NECTIN1: variants seen among roughly 807,000 people sequenced by gnomAD.
NECTIN1 encodes nectin cell adhesion molecule 1, also known as nectin-1.
NECTIN1 carries 23 observed loss-of-function variants against 48.0 expected under a neutral mutation model. The ratio of observed to expected loss-of-function variants is 0.48; its 90% confidence interval spans 0.34 to 0.68. The LOEUF is 0.68. NECTIN1 is among the 30% of genes least tolerant of loss of function. NECTIN1 has a pLI of 0.01. For missense variants in NECTIN1, 591 were observed against 709.9 expected, an observed-to-expected ratio of 0.83 and a Z score of 1.90; for synonymous variants, 270 against 288.9, an observed-to-expected ratio of 0.93 and a Z score of 0.66.
Position 119,669,410 on chromosome 11 carries a change from CA to C in NECTIN1, c.1004-4114del, listed in dbSNP as rs398045650. ...TGGGCAACAGTGCAAGACTCCGTCT[CA>C]AAAAAAAAAAAAAAATGCACCTTGA... On this transcript the variant is annotated intron_variant, in intron 5 of 5. Transcript: ENST00000264025. Among the ~76,000 whole-genome samples, 820 of 130,044 alleles carry C rather than the reference CA, an allele frequency of 6.3e-3. 6 individuals carry two copies. Among genetic ancestry groups the C allele is most frequent in the Non-Finnish European group, 7.0e-3 (420 of 60,364 alleles). The allele number at this position is 130,044 out of a possible 152,430, so 85.3% of individuals were successfully genotyped here. A position where few individuals can be genotyped will look rare whatever the true frequency, so the allele number is the denominator to read the frequency against.
chr11:119,697,459 C>T (rs1057279125), intron 1 of NECTIN1, among the ~76,000 whole-genome samples: 2 of 152,160 alleles, frequency 1.3e-5, no homozygotes, highest in African/African-American at 2.4e-5. Context: ...CGTAGGCTCC[C>T]GCAACCCTAA....
At chr11:119,701,360 A>G (rs1250724387) in intron 1 of NECTIN1, among the ~76,000 whole-genome samples, 2 of 152,016 alleles carry the variant, frequency 1.3e-5, no homozygotes, top group Non-Finnish European at 2.9e-5. Context: ...CCTCCCACCA[A>G]CTCTGAATGA....
intron 5 of NECTIN1, among the ~76,000 whole-genome samples, chr11:119,649,159 T>A (rs915078130): frequency 6.6e-6 from 1 of 152,110 alleles, no homozygotes; most frequent in Admixed American, 6.5e-5. Flanking sequence ...GGCGGACAGA[T>A]CACGAGGTCA....
chr11:119,711,952 G>A (rs11600941), intron 1 of NECTIN1, among the ~76,000 whole-genome samples: 15,044 of 152,172 alleles, frequency 0.099, 2,493 homozygotes, highest in African/African-American at 0.34. Context: ...GATTGGGGAG[G>A]GGTCCTGCAG....
chr11:119,662,765 TC>T lies in NECTIN1; in HGVS notation c.*1981del, dbSNP rs1275548496. The T allele has an allele frequency of 2.4e-5, 24 of 986,406 alleles. No individual in the cohort carries two copies. Among genetic ancestry groups the T allele is most frequent in the Non-Finnish European group, 2.8e-5 (23 of 830,566 alleles). The allele number at this position is 986,406 out of a possible 1,614,324, so 61.1% of individuals were successfully genotyped here. A position where few individuals can be genotyped will look rare whatever the true frequency, so the allele number is the denominator to read the frequency against. ...CTGCTGGGAAAAGCAGCCCAGCTCCTCCACCTCCCTCTGCCCTGTGGCTGGA... is the reference window on the plus strand; with the variant it reads ...CTGCTGGGAAAAGCAGCCCAGCTCCTCACCTCCCTCTGCCCTGTGGCTGGA... On this transcript the variant is annotated 3_prime_UTR_variant, in exon 6 of 6. Transcript: ENST00000264025. The surrounding 1 kb of genome is among the most constrained non-coding windows in gnomAD (Gnocchi z 5.3).
chr11:119,728,080 C>G (rs1473849144), intron 1 of NECTIN1, among the ~76,000 whole-genome samples: 2 of 152,214 alleles, frequency 1.3e-5, no homozygotes, highest in East Asian at 1.9e-4. Context: ...ACGCCCTCCC[C>G]CTGGGGCTGT....
At chr11:119,681,356 C>T (rs1489173091) in intron 1 of NECTIN1, among the ~76,000 whole-genome samples, 2 of 152,152 alleles carry the variant, frequency 1.3e-5, no homozygotes, top group African/African-American at 2.4e-5. Context: ...GATCCAGGAG[C>T]CATTTTGGGA....
At chr11:119,698,000 A>T (rs988836156) in intron 1 of NECTIN1, among the ~76,000 whole-genome samples, 2 of 152,206 alleles carry the variant, frequency 1.3e-5, no homozygotes, top group Non-Finnish European at 2.9e-5. Flanking sequence ...GAAAAGAAAG[A>T]GCAAAAACCG....
chr11:119,668,758 A>T (rs1864819114), intron 5 of NECTIN1, among the ~76,000 whole-genome samples: 1 of 152,228 alleles, frequency 6.6e-6, no homozygotes, highest in African/African-American at 2.4e-5. Context: ...GCCTGTATAA[A>T]TTGCAAATAA....
chr11:119,685,761 C>T (rs1815926410), intron 1 of NECTIN1, among the ~76,000 whole-genome samples: 1 of 152,270 alleles, frequency 6.6e-6, no homozygotes, highest in Non-Finnish European at 1.5e-5. Context: ...TTGGATCACT[C>T]TCCTGTACCT....
At chr11:119,724,057 C>T (rs535973312) in intron 1 of NECTIN1, among the ~76,000 whole-genome samples, 81 of 152,308 alleles carry the variant, frequency 5.3e-4, no homozygotes, top group African/African-American at 3.6e-4. Context: ...TCCAGGCACA[C>T]GTATGTTGTC....
chr11:119,691,321 C>A (rs908392066), intron 1 of NECTIN1, among the ~76,000 whole-genome samples: 1 of 152,248 alleles, frequency 6.6e-6, no homozygotes, highest in African/African-American at 2.4e-5. Context: ...CTAAACCCAG[C>A]CCCAGCTTGG....
At chr11:119,713,895 A>T in intron 1 of NECTIN1, 1 of 455,900 alleles carries the variant, frequency 2.2e-6, no homozygotes. Context: ...GTCTGATGCC[A>T]GGGGGGTGCC....
exon 6 of NECTIN1, chr11:119,640,006 G>A (rs772241031): frequency 1.1e-5 from 17 of 1,611,204 alleles, no homozygotes; most frequent in Non-Finnish European, 1.4e-5. Flanking sequence ...CTGGGGGCGG[G>A]GCTTTTCTGG....
chr11:119,656,691 G>A (rs73573171), downstream of NECTIN1, among the ~76,000 whole-genome samples: 7,160 of 152,206 alleles, frequency 0.047, 574 homozygotes, highest in African/African-American at 0.16. Flanking sequence ...AGAGGCCTTC[G>A]TTAGGGATCT....
Position 119,663,879 on chromosome 11 carries a change from C to T in NECTIN1, c.*868G>A. 1 of 986,202 alleles carries T rather than the reference C, an allele frequency of 1.0e-6. No individual in the cohort carries two copies. The highest frequency in any genetic ancestry group is 1.2e-6 in the Non-Finnish European group (1 of 830,568). The allele number at this position is 986,202 out of a possible 1,614,324, so 61.1% of individuals were successfully genotyped here. The stretch of plus-strand genomic sequence containing the variant: ...ATGAGGTGGAAATAGACGGGTGGGC[C>T]TTGGGCAGTGTCTGGATGGGGCAGG... On this transcript the variant is annotated 3_prime_UTR_variant, in exon 6 of 6. Transcript: ENST00000264025.
chr11:119,639,923 T>A (rs1317356994), exon 6 of NECTIN1: 3 of 1,614,024 alleles, frequency 1.9e-6, no homozygotes, highest in African/African-American at 2.7e-5. Context: ...AAGAAGACAG[T>A]GAGCACAGCA....
At chr11:119,676,796 T>C in intron 4 of NECTIN1, 1 of 431,722 alleles carries the variant, frequency 2.3e-6, no homozygotes, top group Non-Finnish European at 4.3e-6. Flanking sequence ...TGGGAGTGAC[T>C]CAGACTGAAT....
chr11:119,678,361 G>A lies in NECTIN1; in HGVS notation c.430+54C>T, dbSNP rs768116428. On this transcript the variant is annotated intron_variant, in intron 2 of 5. Transcript: ENST00000264025. The surrounding 1 kb of genome is among the most constrained non-coding windows in gnomAD (Gnocchi z 4.4). ...ATTGAGGCATCCTGAGGATGGCCAC[G>A]CCCCGAGGTCACAGGCCTCTGGATG... 2.3e-5 allele frequency: 35 copies of A among 1,513,872 alleles called. No individual in the cohort carries two copies. The highest frequency in any genetic ancestry group is 1.8e-4 in the African/African-American group (13 of 72,802). 93.8% of individuals were successfully genotyped at this position (1,513,872 alleles called of 1,614,324 possible).
Sources: gnomAD v4.1 joint callset for allele counts (sites outside exome capture counted in the v4.1 genomes callset) on GRCh38, gnomAD v4.1.1 for gene constraint, Gnocchi (gnomAD v3.1) non-coding constraint, MANE v1.5 for transcripts, NCBI Gene and HGNC (gene_info 2026-07-23, HGNC 2026-07-21) for gene names.